EXOSC5: variants seen among roughly 807,000 people sequenced by gnomAD.
EXOSC5 encodes exosome component 5, also known as exosome complex component RRP46.
In EXOSC5, 15 loss-of-function variants were observed where a neutral mutation model predicts 23.7. The observed-to-expected ratio is 0.63, with a 90% CI of 0.42 to 0.97. The LOEUF (loss-of-function observed/expected upper bound fraction) is 0.97, where lower values mean the gene tolerates loss of function less well. Among genes scored for constraint, EXOSC5 ranks in the 50% least tolerant of loss-of-function variants. The pLI, the probability that EXOSC5 is intolerant of heterozygous loss-of-function variation, is 0.00. For synonymous variants in EXOSC5, 143 were observed against 140.9 expected (o/e 1.02, Z -0.11); for missense variants, 305 against 316.3 (o/e 0.96, Z 0.27).
At chr19:41,387,646 C>A in intron 4 of EXOSC5, 43 bp from the exon 5 acceptor site, 1 of 1,412,220 alleles carries the variant, frequency 7.1e-7, no homozygotes, top group South Asian at 1.3e-5. Flanking sequence ...CTAGGACCTT[C>A]CCCTCAGATA....
intron 1 of EXOSC5, among the ~76,000 whole-genome samples, chr19:41,396,333 C>T (rs1197804422): frequency 6.6e-6 from 1 of 152,104 alleles, no homozygotes; most frequent in Admixed American, 6.5e-5. Flanking sequence ...CCTCAGCCTC[C>T]CGAGTAGCTG....
At chr19:41,388,739 G>C (rs1049571248) in intron 4 of EXOSC5, among the ~76,000 whole-genome samples, 1 of 152,150 alleles carries the variant, frequency 6.6e-6, no homozygotes, top group African/African-American at 2.4e-5. Context: ...AGAAAACTCA[G>C]AATAACTTGA....
chr19:41,394,061 A>T (rs1171705483), intron 1 of EXOSC5, among the ~76,000 whole-genome samples: 1 of 152,154 alleles, frequency 6.6e-6, no homozygotes, highest in Non-Finnish European at 1.5e-5. Context: ...GAAGCTATGA[A>T]CGGGGTACAG....
At chr19:41,395,157 A>G (rs1014451440) in intron 1 of EXOSC5, among the ~76,000 whole-genome samples, 4 of 152,068 alleles carry the variant, frequency 2.6e-5, no homozygotes, top group South Asian at 2.1e-4. Context: ...AAGAAACTTT[A>G]GGTATCTCAA....
chr19:41,396,617 CTTT>C (rs60285872), intron 1 of EXOSC5, among the ~76,000 whole-genome samples: 6,173 of 130,098 alleles, frequency 0.047, 369 homozygotes, highest in African/African-American at 0.16. Context: ...TTGCCCTAAT[CTTT>C]TTTTTTTTTT....
chr19:41,397,107 T>C, intron 1 of EXOSC5, 74 bp downstream of exon 1: 1 of 1,513,562 alleles, frequency 6.6e-7, no homozygotes, highest in Non-Finnish European at 9.0e-7. Flanking sequence ...GCTGGTATCG[T>C]GAGGAGGTGG....
At chr19:41,393,306 C>T (rs1413304254) in intron 1 of EXOSC5, among the ~76,000 whole-genome samples, 2 of 152,162 alleles carry the variant, frequency 1.3e-5, no homozygotes, top group Non-Finnish European at 2.9e-5. Flanking sequence ...CTCTCATTGC[C>T]CAGGCTGGAG....
chr19:41,392,276 A>G, intron 2 of EXOSC5: 1 of 370,072 alleles, frequency 2.7e-6, no homozygotes, highest in South Asian at 3.7e-5. Context: ...TATGAGGGTA[A>G]AAGGGTGGAA....
Position 41,397,352 on chromosome 19 carries a change from C to T in EXOSC5, c.-24G>A. On this transcript the variant is annotated 5_prime_UTR_variant, in exon 1 of 6. Coordinates refer to ENST00000221233, the MANE Select transcript of EXOSC5 (RefSeq NM_020158.4). ...ATCGCGCCGAGCCCACGTGCGGCTG[C>T]AGTTGTCACTTCCGCCTGGCAGCGC... The T allele has an allele frequency of 6.3e-7, 1 of 1,595,946 alleles. No homozygotes were observed.
rs201468947 is a variant in EXOSC5, at chr19:41,387,596, C to G, written c.533G>C (p.Arg178Pro). 9.4e-6 allele frequency: 15 copies of G among 1,597,408 alleles called. No individual in the cohort carries two copies. Among genetic ancestry groups the G allele is most frequent in the South Asian group, 2.3e-5 (2 of 87,952 alleles). The change falls in exon 5 of 6, where the codon CGG (arginine) becomes CCG (proline). Residue 178 changes from arginine to proline, a missense_variant. By Grantham distance (103) the Arg-to-Pro change is moderately radical (BLOSUM62 -2). Coordinates refer to ENST00000221233, the MANE Select transcript of EXOSC5 (RefSeq NM_020158.4). ...DPTSKQEKEA[R>P]AVLTFALDSV... Reference sequence around the variant, plus strand: ...GTCCAGGGCAAAGGTCAGGACTGCCCGGGCCTCCTAGGGACAAGGGGTAGA... The same window carrying G: ...GTCCAGGGCAAAGGTCAGGACTGCCGGGGCCTCCTAGGGACAAGGGGTAGA...
chr19:41,396,038 C>A (rs2039060160), intron 1 of EXOSC5, among the ~76,000 whole-genome samples: 1 of 152,124 alleles, frequency 6.6e-6, no homozygotes. Flanking sequence ...CTGGAGCCAC[C>A]ATCACCTCCC....
chr19:41,395,704 C>G (rs2039056959), intron 1 of EXOSC5, among the ~76,000 whole-genome samples: 1 of 152,186 alleles, frequency 6.6e-6, no homozygotes, highest in South Asian at 2.1e-4. Context: ...CCTTCTGAGT[C>G]TCCTTTGCTA....
At position 41,386,734 on chromosome 19, in the gene EXOSC5, G is replaced by C. The variant is rs116100212; in HGVS notation, c.616-9C>G. The C allele has an allele frequency of 1.3e-6, 2 of 1,577,148 alleles. No individual in the cohort carries two copies. The highest frequency in any genetic ancestry group is 1.7e-6 in the Non-Finnish European group (2 of 1,164,784). On this transcript the variant is annotated splice_polypyrimidine_tract_variant and intron_variant, in intron 5 of 5. Coordinates refer to ENST00000221233, the MANE Select transcript of EXOSC5 (RefSeq NM_020158.4). Reference sequence around the variant, plus strand: ...GCCAGGCACTGCTGGAGCTGCGGGGGAGAGACTGGTCGGTGCTGGGGGCCG... The same window carrying C: ...GCCAGGCACTGCTGGAGCTGCGGGGCAGAGACTGGTCGGTGCTGGGGGCCG...
chr19:41,389,943 T>G, intron 3 of EXOSC5, 38 bp from the exon 4 acceptor site: 1 of 1,560,388 alleles, frequency 6.4e-7, no homozygotes, highest in Non-Finnish European at 8.6e-7. Flanking sequence ...TCTTTTTTTT[T>G]TTTTTGGAGA....
At chr19:41,387,363 TG>T in intron 5 of EXOSC5, 150 bp downstream of exon 5, 1 of 607,764 alleles carries the variant, frequency 1.6e-6, no homozygotes, top group Non-Finnish European at 2.7e-6. Flanking sequence ...CAAAGGTTTC[TG>T]GGTCCACAAA....
At chr19:41,396,652 T>A (rs2039067988) in intron 1 of EXOSC5, among the ~76,000 whole-genome samples, 1 of 93,162 alleles carries the variant, frequency 1.1e-5, no homozygotes, top group South Asian at 4.0e-4. Context: ...TGCCCTAATC[T>A]TAGGGATATT....
intron 4 of EXOSC5, among the ~76,000 whole-genome samples, chr19:41,389,335 G>A (rs2039006166): frequency 6.7e-6 from 1 of 149,992 alleles, no homozygotes; most frequent in Non-Finnish European, 1.5e-5. Context: ...GCGCGATCTC[G>A]GCTCACCACA....
chr19:41,390,879 A>T (rs1425993144), intron 3 of EXOSC5, among the ~76,000 whole-genome samples: 2 of 152,164 alleles, frequency 1.3e-5, no homozygotes, highest in Non-Finnish European at 2.9e-5. Flanking sequence ...CTCTCTGCCC[A>T]TCCATAAAAT....
intron 1 of EXOSC5, 82 bp downstream of exon 1, chr19:41,397,099 T>C (rs1177378607): frequency 1.4e-6 from 2 of 1,479,288 alleles, no homozygotes; most frequent in Admixed American, 2.0e-5. Flanking sequence ...ATTTACCAGC[T>C]GGTATCGTGA....
Sources: gnomAD v4.1 joint callset for allele counts (sites outside exome capture counted in the v4.1 genomes callset) on GRCh38, gnomAD v4.1.1 for gene constraint, MANE v1.5 for transcripts, NCBI Gene and HGNC (gene_info 2026-07-23, HGNC 2026-07-21) for gene names.